The following KCNAB1 variants were observed in gnomAD, a reference collection of about 807,000 sequenced individuals.
KCNAB1 encodes potassium voltage-gated channel subfamily A regulatory beta subunit 1, also known as voltage-gated potassium channel subunit beta-1.
A neutral mutation model predicts 64.6 loss-of-function variants in KCNAB1; 35 were observed. That is an observed-to-expected ratio of 0.54 (90% CI 0.41 to 0.72). KCNAB1 has a LOEUF of 0.72. KCNAB1 is among the 30% of genes least tolerant of loss of function. The probability of loss-of-function intolerance (pLI) is 0.00; values close to 1 mark genes in which losing one functional copy is unlikely to be tolerated. For missense variants in KCNAB1, 401 were observed against 512.9 expected (o/e 0.78, Z 2.11); for synonymous variants, 177 against 183.8 (o/e 0.96, Z 0.30).
intron 1 of KCNAB1, among the ~76,000 whole-genome samples, chr3:156,276,774 T>C (rs1434450427): frequency 6.6e-6 from 1 of 152,208 alleles, no homozygotes; most frequent in Non-Finnish European, 1.5e-5. Context: ...CTCTGGATTG[T>C]GCTTTTTATT....
intron 1 of KCNAB1, among the ~76,000 whole-genome samples, chr3:156,251,219 T>G: frequency 6.6e-6 from 1 of 152,212 alleles, no homozygotes; most frequent in East Asian, 1.9e-4. Flanking sequence ...GATGGAGGCT[T>G]TAAGTAATTC....
At chr3:156,292,727 G>A (rs910239967) in intron 1 of KCNAB1, among the ~76,000 whole-genome samples, 5 of 152,112 alleles carry the variant, frequency 3.3e-5, no homozygotes, top group African/African-American at 9.7e-5. Context: ...GTTTTTAATA[G>A]AAAAGAGCTT....
chr3:156,310,141 T>C (rs985095882), intron 1 of KCNAB1, among the ~76,000 whole-genome samples: 1 of 152,170 alleles, frequency 6.6e-6, no homozygotes, highest in African/African-American at 2.4e-5. Context: ...GCAGTGGTCT[T>C]TCTCCCCTCA....
At chr3:156,120,322 G>A (rs1048653542), upstream of KCNAB1, among the ~76,000 whole-genome samples, 2 of 152,204 alleles carry the variant, frequency 1.3e-5, no homozygotes, top group African/African-American at 2.4e-5. Context: ...TAACTTTGCG[G>A]AAGAAACAGC....
intron 1 of KCNAB1, chr3:156,291,860 C>T (rs752611476): frequency 6.2e-7 from 1 of 1,609,010 alleles, no homozygotes; most frequent in Non-Finnish European, 8.5e-7. Context: ...CTCGTGACTG[C>T]CTGTGTTCTG....
At chr3:156,165,020 T>G (rs1716289532) in intron 1 of KCNAB1, among the ~76,000 whole-genome samples, 1 of 152,126 alleles carries the variant, frequency 6.6e-6, no homozygotes. Context: ...GCTCAACGCC[T>G]GTAATCCCAG....
chr3:156,401,867 A>G (rs1713916327), intron 1 of KCNAB1, among the ~76,000 whole-genome samples: 1 of 140,582 alleles, frequency 7.1e-6, no homozygotes, highest in African/African-American at 3.0e-5. Flanking sequence ...AAAGATTTCC[A>G]ACTTTTTTTT....
At chr3:156,354,124 A>G (rs180928064) in intron 1 of KCNAB1, among the ~76,000 whole-genome samples, 4,324 of 136,920 alleles carry the variant, frequency 0.032, 207 homozygotes, top group African/African-American at 0.12. Context: ...GTGTGTGTAT[A>G]TATATATATA....
intron 1 of KCNAB1, among the ~76,000 whole-genome samples, chr3:156,158,027 C>T (rs1208849769): frequency 2.6e-5 from 4 of 151,388 alleles, no homozygotes; most frequent in African/African-American, 7.3e-5. Flanking sequence ...TAGCCGGGTG[C>T]GGTGGCTGGT....
intron 1 of KCNAB1, among the ~76,000 whole-genome samples, chr3:156,297,874 T>C (rs191156732): frequency 1.3e-3 from 203 of 152,182 alleles, no homozygotes; most frequent in South Asian, 2.7e-3. Flanking sequence ...GAGAGCTAGC[T>C]CTGTGGCTGT....
At chr3:156,431,581 A>C (rs1716214678) in intron 2 of KCNAB1, among the ~76,000 whole-genome samples, 1 of 152,220 alleles carries the variant, frequency 6.6e-6, no homozygotes, top group African/African-American at 2.4e-5. Context: ...AGACATTCAT[A>C]GGAATGCCTT....
intron 1 of KCNAB1, among the ~76,000 whole-genome samples, chr3:156,244,673 C>G (rs1398352891): frequency 1.3e-5 from 2 of 152,172 alleles, no homozygotes; most frequent in African/African-American, 4.8e-5. Flanking sequence ...GATTTTCTGA[C>G]TTAACCCTGA....
At chr3:156,306,934 C>G (rs1391807589) in intron 1 of KCNAB1, among the ~76,000 whole-genome samples, 1 of 152,200 alleles carries the variant, frequency 6.6e-6, no homozygotes, top group Non-Finnish European at 1.5e-5. Flanking sequence ...GAGTCTAAGA[C>G]CCTGGGACCT....
At chr3:156,130,919 C>A (rs2108264896) in intron 1 of KCNAB1, among the ~76,000 whole-genome samples, 1 of 152,340 alleles carries the variant, frequency 6.6e-6, no homozygotes, top group Middle Eastern at 3.4e-3. Context: ...TTTCCTCAGG[C>A]TTTTCTCCCA....
intron 1 of KCNAB1, chr3:156,291,336 A>T (rs1720396674): frequency 1.0e-6 from 1 of 990,532 alleles, no homozygotes; most frequent in Admixed American, 5.7e-5. Context: ...GCCGGAGTGG[A>T]TGGAGACCAC....
chr3:156,345,987 G>A (rs940863280), intron 1 of KCNAB1, among the ~76,000 whole-genome samples: 13 of 152,050 alleles, frequency 8.5e-5, no homozygotes. Context: ...ACAAATGGGA[G>A]GAGTACAAGC....
chr3:156,275,377 G>A (rs751991005), intron 1 of KCNAB1, among the ~76,000 whole-genome samples: 1 of 152,212 alleles, frequency 6.6e-6, no homozygotes, highest in Non-Finnish European at 1.5e-5. Context: ...CTTTGATGTT[G>A]ATGGCTGCTG....
chr3:156,469,551 C>T (rs962751443), intron 7 of KCNAB1, among the ~76,000 whole-genome samples: 3 of 152,086 alleles, frequency 2.0e-5, no homozygotes, highest in African/African-American at 4.8e-5. Flanking sequence ...ATAGAAATAT[C>T]TTAAATTCCC....
intron 1 of KCNAB1, among the ~76,000 whole-genome samples, chr3:156,190,434 A>G (rs1383308431): frequency 2.0e-5 from 3 of 152,224 alleles, no homozygotes; most frequent in Non-Finnish European, 2.9e-5. Flanking sequence ...AAGTAGAAAA[A>G]AAAAGAATCA....
Sources: gnomAD v4.1 joint callset for allele counts (sites outside exome capture counted in the v4.1 genomes callset) on GRCh38, gnomAD v4.1.1 for gene constraint, MANE v1.5 for transcripts, NCBI Gene and HGNC (gene_info 2026-07-23, HGNC 2026-07-21) for gene names.